Variants in KMT2A observed in about 807,000 individuals in gnomAD.
KMT2A encodes histone-lysine N-methyltransferase 2A.
A neutral mutation model predicts 345.3 loss-of-function variants in KMT2A; 16 were observed. The observed-to-expected ratio is 0.05, with a 90% CI of 0.03 to 0.07. KMT2A has a LOEUF of 0.07. Ranked by LOEUF, KMT2A falls within the 10% of genes least tolerant of loss-of-function variation. The pLI, the probability that KMT2A is intolerant of heterozygous loss-of-function variation, is 1.00. For missense variants in KMT2A, 3,272 were observed against 4,841.6 expected, an observed-to-expected ratio of 0.68 and a Z score of 9.62; for synonymous variants, 1,599 against 1,778.6, an observed-to-expected ratio of 0.90 and a Z score of 2.54.
chr11:118,441,277 A>G lies in KMT2A; in HGVS notation c.432+4333A>G, dbSNP rs570138929. Among the ~76,000 whole-genome samples, 5 of 152,026 alleles carry G rather than the reference A, an allele frequency of 3.3e-5. No individual in the cohort carries two copies. The South Asian group carries it at 1.0e-3, about 32-fold the overall frequency. ...CTGAGTAGCTGGGATTCTGTTTGGTAATTTTTAATATCAGATTATACATTT... is the reference window on the plus strand; with the variant it reads ...CTGAGTAGCTGGGATTCTGTTTGGTGATTTTTAATATCAGATTATACATTT... On this transcript the variant is annotated intron_variant, in intron 1 of 35. Transcript: ENST00000534358.
chr11:118,488,262 G>A (rs1258198700), intron 10 of KMT2A, among the ~76,000 whole-genome samples: 1 of 152,010 alleles, frequency 6.6e-6, no homozygotes, highest in Non-Finnish European at 1.5e-5. Context: ...CAACTGTTTC[G>A]TATATTACAG....
intron 31 of KMT2A, among the ~76,000 whole-genome samples, chr11:118,514,158 A>G (rs1555050912): frequency 1.3e-5 from 2 of 152,074 alleles, no homozygotes; most frequent in Non-Finnish European, 2.9e-5. Context: ...ATTGCCTACT[A>G]GTTACAGAGT....
At chr11:118,501,186 A>G (rs1950494070) in intron 25 of KMT2A, 39 bp downstream of exon 25, 1 of 1,594,796 alleles carries the variant, frequency 6.3e-7, no homozygotes, top group Non-Finnish European at 8.6e-7. Flanking sequence ...GGCTGGGCAC[A>G]GTGGCTCACG....
chr11:118,507,458 G>T (rs1220988452), intron 27 of KMT2A, 71 bp from the exon 28 acceptor site: 2 of 1,347,584 alleles, frequency 1.5e-6, no homozygotes, highest in South Asian at 2.4e-5. Context: ...CATTTCTTTC[G>T]ACTCACCTCC....
chr11:118,450,215 T>G (rs1333498555), intron 1 of KMT2A: 11 of 129,242 alleles, frequency 8.5e-5, no homozygotes, highest in African/African-American at 1.2e-4. Context: ...GAGTTTTTGG[T>G]TTTTTTTTTT....
chr11:118,456,581 G>A (rs368828398), intron 1 of KMT2A, among the ~76,000 whole-genome samples: 8 of 151,934 alleles, frequency 5.3e-5, no homozygotes, highest in Non-Finnish European at 7.4e-5. Context: ...CTCATGATTC[G>A]CCCACCTTGG....
At chr11:118,470,429 A>C (rs1366166779) in intron 2 of KMT2A, among the ~76,000 whole-genome samples, 2 of 152,140 alleles carry the variant, frequency 1.3e-5, no homozygotes, top group African/African-American at 4.8e-5. Flanking sequence ...CATGACTACC[A>C]GTCTACCTTG....
In KMT2A at chr11:118,493,655, A is replaced by C. The variant is rs1192369405; in HGVS notation, c.5178+425A>C. Among the ~76,000 whole-genome samples, 1 of 152,084 alleles carries C rather than the reference A, an allele frequency of 6.6e-6. No homozygotes were observed. The highest frequency in any genetic ancestry group is 1.5e-5 in the Non-Finnish European group (1 of 68,006). On this transcript the variant is annotated intron_variant, in intron 16 of 35. Transcript: ENST00000534358. The surrounding 1 kb of genome is among the most constrained non-coding windows in gnomAD (Gnocchi z 5.8). ...TTTATGATTTTAAGTATGTATAGGA[A>C]ATGATTATTTATTATCTCATGATCT...
chr11:118,511,387 A>G (rs1298990747), intron 30 of KMT2A, among the ~76,000 whole-genome samples: 1 of 152,168 alleles, frequency 6.6e-6, no homozygotes, highest in East Asian at 1.9e-4. Flanking sequence ...GGAGATAAGT[A>G]AGGAGTATGG....
Position 118,520,783 on chromosome 11 carries a change from AG to A in KMT2A, c.11430-18del, listed in dbSNP as rs1555053293. 5.6e-6 allele frequency: 9 copies of A among 1,600,606 alleles called. No homozygotes were observed. The highest frequency in any genetic ancestry group is 6.9e-6 in the Non-Finnish European group (8 of 1,167,832). On this transcript the variant is annotated intron_variant, in intron 33 of 35. Coordinates refer to ENST00000534358, the MANE Select transcript of KMT2A (RefSeq NM_001197104.2). This position sits in a 1 kb window ranked among gnomAD's most constrained non-coding sequence, Gnocchi z 4.3. The stretch of plus-strand genomic sequence containing the variant: ...TATTTCCTGAAAAAAATTCGTTAAT[AG>A]TATGTCTTATCTCTTAGGAGGGCAA...
intron 2 of KMT2A, among the ~76,000 whole-genome samples, chr11:118,470,420 A>T (rs1406662915): frequency 1.3e-5 from 2 of 152,048 alleles, no homozygotes; most frequent in African/African-American, 4.8e-5. Context: ...GTTTTTTTTC[A>T]TGACTACCAG....
chr11:118,481,900 G>T lies in KMT2A; in HGVS notation c.3820G>T (p.Gly1274Trp), dbSNP rs781998336. The T allele has an allele frequency of 6.2e-7, 1 of 1,614,220 alleles. No individual in the cohort carries two copies. The highest frequency in any genetic ancestry group is 1.1e-5 in the South Asian group (1 of 91,086). The change falls in exon 7 of 36, where the codon GGG becomes TGG. Residue 1274 changes from glycine to tryptophan, a missense_variant. Gly to Trp is a radical substitution (Grantham distance 184, BLOSUM62 -2). Transcript: ENST00000534358. ...GCCCGTCGAGGAAAAGAGTGAAGAAGGGAATGTCTCGGCCCCTGGGCCTGA... is the reference window on the plus strand; with the variant it reads ...GCCCGTCGAGGAAAAGAGTGAAGAATGGAATGTCTCGGCCCCTGGGCCTGA... ...RKPVEEKSEE[G>W]NVSAPGPESK...
chr11:118,507,229 T>TA (rs1330722965), intron 27 of KMT2A, among the ~76,000 whole-genome samples: 1 of 152,094 alleles, frequency 6.6e-6, no homozygotes, highest in Non-Finnish European at 1.5e-5. Context: ...GCCCAAGAGT[T>TA]AGAGGCTAAA....
Position 118,504,165 on chromosome 11 carries a change from T to G in KMT2A, c.8273T>G (p.Ile2758Ser). 1 of 1,614,142 alleles carries G rather than the reference T, an allele frequency of 6.2e-7. No individual in the cohort carries two copies. Among genetic ancestry groups the G allele is most frequent in the Non-Finnish European group, 8.5e-7 (1 of 1,180,020 alleles). Residue 2758 changes from isoleucine (I) to serine (S), a missense_variant, in exon 27 of 36, where the codon ATT (isoleucine) becomes AGT (serine). Transcript: ENST00000534358. The surrounding 1 kb of genome is among the most constrained non-coding windows in gnomAD (Gnocchi z 6.4). ...GKENGTENLK[I>S]DRPEDAGEKE... is the part of the protein sequence containing the mutation. ...GAAAATGGAACAGAGAACTTAAAGA[T>G]TGATAGACCTGAAGATGCTGGGGAG...
chr11:118,473,490 T>C lies in KMT2A; in HGVS notation c.2331T>C (p.Ser777=), dbSNP rs782517476. 4 of 1,614,104 alleles carry C rather than the reference T, an allele frequency of 2.5e-6. No homozygotes were observed. In the East Asian group the frequency reaches 8.9e-5, roughly 36 times the overall value. ...CTCTCACCCCCCCGTCTTCTGTCTC[T>C]TCCTCGTTAAGCATTTCTGTTAGTC... The part of the protein sequence containing the change: ...LSPLTPPSSV[S]SSLSISVSPL... The change falls in exon 3 of 36, where the codon TCT becomes TCC. Residue 777 remains serine, a synonymous_variant. Coordinates refer to ENST00000534358, the MANE Select transcript of KMT2A (RefSeq NM_001197104.2). This position sits in a 1 kb window ranked among gnomAD's most constrained non-coding sequence, Gnocchi z 5.2.
At chr11:118,440,165 A>C (rs1379746091) in intron 1 of KMT2A, among the ~76,000 whole-genome samples, 2 of 152,214 alleles carry the variant, frequency 1.3e-5, no homozygotes, top group Non-Finnish European at 2.9e-5. Context: ...CTATGTAACA[A>C]CACCTATGTT....
chr11:118,504,801 T>C lies in KMT2A; in HGVS notation c.8909T>C (p.Val2970Ala), dbSNP rs150050498. 3.7e-6 allele frequency: 6 copies of C among 1,613,998 alleles called. No individual in the cohort carries two copies. Among genetic ancestry groups the C allele is most frequent in the East Asian group, 4.5e-5 (2 of 44,900 alleles). Residue 2970 changes from valine to alanine, a missense_variant, in exon 27 of 36, where the codon GTA (valine) becomes GCA (alanine). Physicochemically the swap from Val to Ala is moderately conservative, Grantham distance 64. Coordinates refer to ENST00000534358, the MANE Select transcript of KMT2A (RefSeq NM_001197104.2). This position sits in a 1 kb window ranked among gnomAD's most constrained non-coding sequence, Gnocchi z 6.4. Reference sequence around the variant, plus strand: ...AGAGTAACCATCACAGAAAAATCTGTAGCCTCCTCTGAAAGTGACCCAGCA... The same window carrying C: ...AGAGTAACCATCACAGAAAAATCTGCAGCCTCCTCTGAAAGTGACCCAGCA... ...EKRVTITEKS[V>A]ASSESDPALL...
At position 118,436,854 on chromosome 11, in the gene KMT2A, G is replaced by T. The variant is rs1555138774; in HGVS notation, c.342G>T (p.Ala114=). The change falls in exon 1 of 36, where the codon GCG becomes GCT. Residue 114 remains alanine, a synonymous_variant. Transcript: ENST00000534358. The surrounding 1 kb of genome is among the most constrained non-coding windows in gnomAD (Gnocchi z 6.9). ...TCCGGGTGGGCCCGGGCTTCGACGC[G>T]GCGCTGCAGGTCTCGGCCGCCATCG... The part of the protein sequence containing the change: ...ALLRVGPGFD[A]ALQVSAAIGT... The T allele has an allele frequency of 1.2e-6, 2 of 1,600,458 alleles. No individual in the cohort carries two copies. Among genetic ancestry groups the T allele is most frequent in the Non-Finnish European group, 1.7e-6 (2 of 1,174,234 alleles).
chr11:118,506,135 T>A lies in KMT2A; in HGVS notation c.10243T>A (p.Ser3415Thr). 6.2e-7 allele frequency: 1 copy of A among 1,614,148 alleles called. No homozygotes were observed. Among genetic ancestry groups the A allele is most frequent in the South Asian group, 1.1e-5 (1 of 91,090 alleles). The change falls in exon 27 of 36, where the codon TCA (serine) becomes ACA (threonine). Residue 3415 changes from serine to threonine, a missense_variant. Ser to Thr is a moderately conservative substitution (Grantham distance 58, BLOSUM62 1). This residue lies in a region of KMT2A where 748 missense variants were observed against 922.2 expected (regional missense o/e 0.81). Coordinates refer to ENST00000534358, the MANE Select transcript of KMT2A (RefSeq NM_001197104.2). ...SSGMFPQLGT[S>T]QTPSTAAITA... ...AGGAATGTTTCCACAACTGGGGACA[T>A]CACAGACCCCCTCTACTGCTGCAAT...
Sources: allele counts gnomAD v4.1 joint callset (sites outside exome capture counted in the v4.1 genomes callset), GRCh38; gene constraint gnomAD v4.1.1; regional missense constraint gnomAD v4.1.1; non-coding constraint Gnocchi (gnomAD v3.1); transcripts MANE v1.5; gene names NCBI Gene and HGNC (gene_info 2026-07-23, HGNC 2026-07-21).